The following ITGAV variants were observed in gnomAD, a reference collection of about 807,000 sequenced individuals.
The protein encoded by ITGAV is integrin alpha-V.
Under a neutral mutation model 143.8 loss-of-function variants are expected in ITGAV, and 76 were observed. The observed-to-expected ratio is 0.53, with a 90% CI of 0.44 to 0.64. ITGAV has a LOEUF of 0.64. Among genes scored for constraint, ITGAV ranks in the 30% least tolerant of loss-of-function variants. The pLI, the probability that ITGAV is intolerant of heterozygous loss-of-function variation, is 0.00. For synonymous variants in ITGAV, 453 were observed against 446.7 expected, an observed-to-expected ratio of 1.01 and a Z score of -0.18; for missense variants, 1,193 against 1,274.7, an observed-to-expected ratio of 0.94 and a Z score of 0.98.
intron 4 of ITGAV, among the ~76,000 whole-genome samples, chr2:186,628,931 C>T (rs902974980): frequency 6.6e-6 from 1 of 151,996 alleles, no homozygotes; most frequent in Non-Finnish European, 1.5e-5. Context: ...TGGCCATGGT[C>T]AAGTTACCTA....
rs755679045 is a variant in ITGAV at position 186,675,589 on chromosome 2, G to T, written c.2707-15G>T. 3.1e-6 allele frequency: 5 copies of T among 1,591,678 alleles called. No individual in the cohort carries two copies. On this transcript the variant is annotated splice_polypyrimidine_tract_variant and intron_variant, in intron 26 of 29. Coordinates refer to ENST00000261023, the MANE Select transcript of ITGAV (RefSeq NM_002210.5). ...GAATGACCTTTTCTTATAAGTAAAG[G>T]ATTTGTTTTGGCAGGGTTGTGGAGT...
rs555920962 is a variant in ITGAV, at chr2:186,590,302, A to G, written c.-37A>G. ...CTCGCTGGGGCGGGGGGAGGTGGCTACCGCTCCCGGCTTGGCGTCCCGCGC... is the reference window on the plus strand; with the variant it reads ...CTCGCTGGGGCGGGGGGAGGTGGCTGCCGCTCCCGGCTTGGCGTCCCGCGC... On this transcript the variant is annotated 5_prime_UTR_variant, in exon 1 of 30. Transcript: ENST00000261023. 6.7e-7 allele frequency: 1 copy of G among 1,498,158 alleles called. No homozygotes were observed. Among genetic ancestry groups the G allele is most frequent in the African/African-American group, 1.5e-5 (1 of 68,950 alleles). 92.8% of individuals were successfully genotyped at this position (1,498,158 alleles called of 1,614,324 possible). A position where few individuals can be genotyped will look rare whatever the true frequency, so the allele number is the denominator to read the frequency against.
chr2:186,638,701 T>A (rs1052331107), intron 10 of ITGAV, among the ~76,000 whole-genome samples: 45 of 151,882 alleles, frequency 3.0e-4, no homozygotes, highest in African/African-American at 1.1e-3. Flanking sequence ...GTTTACTCTG[T>A]ATTTTTCATT....
rs565841527 is a variant in ITGAV, at chr2:186,651,920, T to C, written c.1398-62T>C. On this transcript the variant is annotated intron_variant, in intron 14 of 29. Transcript: ENST00000261023. ...ATGTAGTGAATATGAACCAAAAATA[T>C]TTCAATCAACCTAACTTTTTAAATA... is the stretch of plus-strand genomic sequence containing the variant. 3 of 968,264 alleles carry C rather than the reference T, an allele frequency of 3.1e-6. No homozygotes were observed. In the South Asian group the frequency reaches 4.5e-5, roughly 14 times the overall value. The allele number at this position is 968,264 out of a possible 1,614,324, so 60.0% of individuals were successfully genotyped here.
intron 14 of ITGAV, among the ~76,000 whole-genome samples, chr2:186,651,568 G>T (rs2105726150): frequency 6.6e-6 from 1 of 151,896 alleles, no homozygotes; most frequent in East Asian, 1.9e-4. Context: ...GACATTCTTT[G>T]TACTTTTTGG....
chr2:186,615,372 A>C (rs920802274), intron 2 of ITGAV, among the ~76,000 whole-genome samples: 2 of 152,160 alleles, frequency 1.3e-5, no homozygotes. Flanking sequence ...TTTTTTAAAA[A>C]CTGTCAAACT....
At chr2:186,595,899 G>T (rs1686738224) in intron 1 of ITGAV, among the ~76,000 whole-genome samples, 1 of 152,118 alleles carries the variant, frequency 6.6e-6, no homozygotes, top group Non-Finnish European at 1.5e-5. Flanking sequence ...AAATGTTTAA[G>T]CTGGCTTTTC....
intron 1 of ITGAV, among the ~76,000 whole-genome samples, chr2:186,601,789 G>A (rs1686913674): frequency 2.0e-5 from 3 of 152,160 alleles, no homozygotes; most frequent in Admixed American, 2.0e-4. Context: ...CTAAATGAAT[G>A]TAACCCTGAA....
rs139248469 is a variant in ITGAV at position 186,659,665 on chromosome 2, A to G, written c.1857+490A>G. ...TTAAATATTGTTAATTCTAGTTACT[A>G]TTTCTCCTTTTTAAATTACATGTTC... On this transcript the variant is annotated intron_variant, in intron 18 of 29. Transcript: ENST00000261023. Among the ~76,000 whole-genome samples the G allele has an allele frequency of 5.3e-5, 8 of 151,402 alleles. No individual in the cohort carries two copies. The East Asian group carries it at 1.6e-3, about 29-fold the overall frequency.
At chr2:186,645,623 G>A (rs1369176526) in intron 12 of ITGAV, among the ~76,000 whole-genome samples, 3 of 152,078 alleles carry the variant, frequency 2.0e-5, no homozygotes, top group Non-Finnish European at 4.4e-5. Context: ...TGAATGTTTG[G>A]CCCTTTTGAA....
intron 26 of ITGAV, among the ~76,000 whole-genome samples, chr2:186,674,915 G>C (rs924710385): frequency 6.6e-6 from 1 of 152,182 alleles, no homozygotes; most frequent in Non-Finnish European, 1.5e-5. Flanking sequence ...GGAGAAAGAA[G>C]GATGAAGTAT....
At chr2:186,655,914 AATTCACATGTT>A (rs1271784712) in intron 16 of ITGAV, among the ~76,000 whole-genome samples, 1 of 152,168 alleles carries the variant, frequency 6.6e-6, no homozygotes, top group Non-Finnish European at 1.5e-5. Flanking sequence ...TGGAAGTCTT[AATTCACATGTT>A]TCATCCTCTG....
chr2:186,610,057 C>A (rs1190075021), intron 2 of ITGAV, among the ~76,000 whole-genome samples: 1 of 152,058 alleles, frequency 6.6e-6, no homozygotes. Flanking sequence ...ATGAACATTG[C>A]AGATGAACTA....
intron 12 of ITGAV, among the ~76,000 whole-genome samples, chr2:186,645,589 G>A (rs1688231958): frequency 6.6e-6 from 1 of 152,178 alleles, no homozygotes; most frequent in Non-Finnish European, 1.5e-5. Context: ...ATTTTAAGAT[G>A]GGGATGGGTG....
At chr2:186,650,572 CTT>C (rs879451319) in intron 14 of ITGAV, among the ~76,000 whole-genome samples, 8 of 142,646 alleles carry the variant, frequency 5.6e-5, no homozygotes, top group African/African-American at 5.1e-5. Context: ...ACTAGAACTT[CTT>C]TTTTTTTTTT....
intron 2 of ITGAV, among the ~76,000 whole-genome samples, chr2:186,612,682 A>G (rs1005320160): frequency 3.9e-5 from 6 of 152,118 alleles, no homozygotes; most frequent in African/African-American, 1.4e-4. Flanking sequence ...CTGCAGTACA[A>G]TTTCCATCTC....
At chr2:186,601,541 TTTATAA>T (rs1381981939) in intron 1 of ITGAV, among the ~76,000 whole-genome samples, 13 of 152,082 alleles carry the variant, frequency 8.5e-5, no homozygotes, top group African/African-American at 3.1e-4. Context: ...GAAAATCATA[TTTATAA>T]TTATACTTTG....
intron 2 of ITGAV, among the ~76,000 whole-genome samples, chr2:186,612,198 C>A (rs1180042230): frequency 2.0e-5 from 3 of 151,970 alleles, no homozygotes; most frequent in Non-Finnish European, 4.4e-5. Context: ...TTTTCCTTTT[C>A]TAGGGAAGCA....
chr2:186,633,885 G>T (rs1001814141), intron 6 of ITGAV, among the ~76,000 whole-genome samples: 75 of 152,188 alleles, frequency 4.9e-4, no homozygotes, highest in African/African-American at 1.8e-3. Flanking sequence ...AATTGAAGCT[G>T]GGCATGGTGG....
Sources: gnomAD v4.1 joint callset for allele counts (sites outside exome capture counted in the v4.1 genomes callset) on GRCh38, gnomAD v4.1.1 for gene constraint, MANE v1.5 for transcripts, NCBI Gene and HGNC (gene_info 2026-07-23, HGNC 2026-07-21) for gene names.